The following NBEAL1 variants were observed in gnomAD, a reference collection of about 807,000 sequenced individuals.
The protein encoded by NBEAL1 is neurobeachin-like protein 1.
In NBEAL1, 273 loss-of-function variants were observed where a neutral mutation model predicts 351.3. That is an observed-to-expected ratio of 0.78 (90% CI 0.70 to 0.86). The LOEUF (loss-of-function observed/expected upper bound fraction) is 0.86, where lower values mean the gene tolerates loss of function less well. Ranked by LOEUF, NBEAL1 falls within the 40% of genes least tolerant of loss-of-function variation. The pLI is 0.00. For missense variants in NBEAL1, 2,961 were observed against 3,201.3 expected, an observed-to-expected ratio of 0.92 and a Z score of 1.81; for synonymous variants, 1,050 against 1,086.4, an observed-to-expected ratio of 0.97 and a Z score of 0.66.
intron 36 of NBEAL1, among the ~76,000 whole-genome samples, chr2:203,159,266 T>G (rs953254735): frequency 1.3e-5 from 2 of 152,038 alleles, no homozygotes; most frequent in African/African-American, 4.8e-5. Context: ...TACAGTGGGG[T>G]TTTTTTAATG....
At chr2:203,145,184 C>T in intron 33 of NBEAL1, 24 bp downstream of exon 33, 1 of 1,582,928 alleles carries the variant, frequency 6.3e-7, no homozygotes, top group Non-Finnish European at 8.6e-7. Flanking sequence ...GTTTTAATAT[C>T]TAGTTTTTCT....
At chr2:203,109,373 C>T (rs975299898) in intron 14 of NBEAL1, among the ~76,000 whole-genome samples, 1 of 151,688 alleles carries the variant, frequency 6.6e-6, no homozygotes, top group Admixed American at 6.6e-5. Context: ...AAAGGAAAAA[C>T]AAATGAGTAG....
intron 4 of NBEAL1, among the ~76,000 whole-genome samples, chr2:203,053,219 C>T (rs1160111717): frequency 2.0e-5 from 3 of 152,100 alleles, no homozygotes; most frequent in Non-Finnish European, 2.9e-5. Flanking sequence ...TCCTGTTGCT[C>T]TTCATGGTTT....
chr2:203,192,132 T>C (rs1187775996), intron 46 of NBEAL1, among the ~76,000 whole-genome samples: 5 of 152,200 alleles, frequency 3.3e-5, no homozygotes, highest in Admixed American at 2.6e-4. Flanking sequence ...ACCTCCAACA[T>C]TGGTTTTTAC....
At chr2:203,085,653 T>A (rs898072218) in intron 10 of NBEAL1, 1 of 152,214 alleles carries the variant, frequency 6.6e-6, no homozygotes, top group African/African-American at 2.4e-5. Context: ...ATATGTGATA[T>A]GTTTGTATAA....
intron 42 of NBEAL1, among the ~76,000 whole-genome samples, chr2:203,175,561 G>A (rs1322041337): frequency 6.6e-6 from 1 of 152,132 alleles, no homozygotes; most frequent in Non-Finnish European, 1.5e-5. Flanking sequence ...CTGATTTAGA[G>A]CTAAATCTAA....
rs539960278 is a variant in NBEAL1 at position 203,114,102 on chromosome 2, G to A, written c.2506+784G>A. On this transcript the variant is annotated intron_variant, in intron 17 of 55. Transcript: ENST00000683969. ...CTCCCAAAGTGCTGGGATTACAGGC[G>A]TGAGCCACCGCGCCCAGCCTCTCCT... Among the ~76,000 whole-genome samples, 361 of 152,168 alleles carry A rather than the reference G, an allele frequency of 2.4e-3. 2 individuals are homozygous for A. The highest frequency in any genetic ancestry group is 0.011 in the South Asian group (55 of 4,822).
At chr2:203,151,198 G>A (rs2063641575) in intron 34 of NBEAL1, among the ~76,000 whole-genome samples, 1 of 152,128 alleles carries the variant, frequency 6.6e-6, no homozygotes, top group South Asian at 2.1e-4. Flanking sequence ...GGGCGTAGGG[G>A]CACATGCCTG....
chr2:203,034,250 C>T (rs1215306312), intron 2 of NBEAL1, among the ~76,000 whole-genome samples: 1 of 151,600 alleles, frequency 6.6e-6, no homozygotes, highest in Admixed American at 6.6e-5. Flanking sequence ...CTCTGCTTCC[C>T]GGGTTCAAGT....
intron 18 of NBEAL1, among the ~76,000 whole-genome samples, chr2:203,119,756 T>A (rs1290453965): frequency 6.6e-6 from 1 of 152,086 alleles, no homozygotes; most frequent in Non-Finnish European, 1.5e-5. Context: ...CTCTTGGAGG[T>A]TAGTGATACA....
intron 2 of NBEAL1, among the ~76,000 whole-genome samples, chr2:203,028,160 G>T (rs2060890485): frequency 1.3e-5 from 2 of 151,770 alleles, no homozygotes; most frequent in South Asian, 4.2e-4. Context: ...GGGATTACAG[G>T]TGTGAGCCAC....
chr2:203,200,669 G>A (rs565018825), intron 49 of NBEAL1, among the ~76,000 whole-genome samples: 1 of 152,036 alleles, frequency 6.6e-6, no homozygotes, highest in East Asian at 1.9e-4. Flanking sequence ...ACTTCAGCCT[G>A]GACGACAGAG....
intron 10 of NBEAL1, among the ~76,000 whole-genome samples, chr2:203,093,910 G>A (rs2062122828): frequency 6.6e-6 from 1 of 151,972 alleles, no homozygotes; most frequent in African/African-American, 2.4e-5. Context: ...TTCCCTGCTG[G>A]CCGTAATAGT....
intron 54 of NBEAL1, among the ~76,000 whole-genome samples, chr2:203,212,213 C>T (rs1301925351): frequency 1.3e-5 from 2 of 151,962 alleles, no homozygotes; most frequent in African/African-American, 4.8e-5. Context: ...TCTTACCCAC[C>T]ACTCACTTAT....
intron 36 of NBEAL1, among the ~76,000 whole-genome samples, chr2:203,161,783 T>C (rs2063970525): frequency 2.0e-5 from 3 of 151,826 alleles, no homozygotes; most frequent in African/African-American, 7.3e-5. Flanking sequence ...CAGTAAGCTA[T>C]GATCACCCCA....
chr2:203,224,242 G>A lies in NBEAL1; in HGVS notation c.*6888G>A, dbSNP rs528777133. Among the ~76,000 whole-genome samples, 4 of 151,788 alleles carry A rather than the reference G, an allele frequency of 2.6e-5. No homozygotes were observed. Among genetic ancestry groups the A allele is most frequent in the African/African-American group, 9.7e-5 (4 of 41,450 alleles). ...ATGAACATCACCAAACTTTTTTTGTGGCAAACTGCTTATTTTATAAGTAGC... is the reference window on the plus strand; with the variant it reads ...ATGAACATCACCAAACTTTTTTTGTAGCAAACTGCTTATTTTATAAGTAGC... On this transcript the variant is annotated 3_prime_UTR_variant, in exon 56 of 56. Coordinates refer to ENST00000683969, the MANE Select transcript of NBEAL1 (RefSeq NM_001378026.1).
In NBEAL1 at chr2:203,217,473, G is replaced by A; in HGVS notation, c.*119G>A. 1.5e-6 allele frequency: 2 copies of A among 1,327,008 alleles called. No individual in the cohort carries two copies. Among genetic ancestry groups the A allele is most frequent in the Non-Finnish European group, 1.9e-6 (2 of 1,035,100 alleles). The allele number at this position is 1,327,008 out of a possible 1,614,324, so 82.2% of individuals were successfully genotyped here. A position where few individuals can be genotyped will look rare whatever the true frequency, so the allele number is the denominator to read the frequency against. On this transcript the variant is annotated 3_prime_UTR_variant, in exon 56 of 56. Coordinates refer to ENST00000683969, the MANE Select transcript of NBEAL1 (RefSeq NM_001378026.1). ...CTTTTATCCCTGAAAATCATTTACA[G>A]ATAACCACAATTTGCTGTGGTATAT...
At chr2:203,200,181 C>A (rs1282432563) in intron 49 of NBEAL1, among the ~76,000 whole-genome samples, 1 of 152,062 alleles carries the variant, frequency 6.6e-6, no homozygotes, top group African/African-American at 2.4e-5. Context: ...AGTTCAAGAC[C>A]AGCCTGGCCA....
intron 2 of NBEAL1, chr2:203,040,399 G>A: frequency 1.4e-6 from 1 of 713,548 alleles, no homozygotes. Context: ...AAGGATTAAT[G>A]GCATGAGTTT....
Sources: allele counts gnomAD v4.1 joint callset (sites outside exome capture counted in the v4.1 genomes callset), GRCh38; gene constraint gnomAD v4.1.1; transcripts MANE v1.5; gene names NCBI Gene and HGNC (gene_info 2026-07-23, HGNC 2026-07-21).